Variants in SYNCRIP observed in about 807,000 individuals in gnomAD.
The protein encoded by SYNCRIP is synaptotagmin binding cytoplasmic RNA interacting protein, also known as heterogeneous nuclear ribonucleoprotein Q.
SYNCRIP carries 9 observed loss-of-function variants against 68.9 expected under a neutral mutation model. The ratio of observed to expected loss-of-function variants is 0.13; its 90% CI spans 0.08 to 0.23. The LOEUF is 0.23. Ranked by LOEUF, SYNCRIP falls within the 10% of genes least tolerant of loss-of-function variation. The pLI is 1.00. For missense variants in SYNCRIP, 414 were observed against 770.6 expected (o/e 0.54, Z 5.48); for synonymous variants, 258 against 254.0 (o/e 1.02, Z -0.15).
Position 85,626,033 on chromosome 6 carries a change from C to A in SYNCRIP, c.667-1921G>T, listed in dbSNP as rs556715443. Among the ~76,000 whole-genome samples the A allele has an allele frequency of 4.6e-5, 7 of 152,332 alleles. 1 individual carries two copies. Among genetic ancestry groups the A allele is most frequent in the African/African-American group, 1.4e-4 (6 of 41,576 alleles). On this transcript the variant is annotated intron_variant, in intron 6 of 10. Transcript: ENST00000369622. ...CAAAGAATTATCTAGTCTAAAAGATCAGCAGTGCTGAGGTTAAAAACTCCT... is the reference window on the plus strand; with the variant it reads ...CAAAGAATTATCTAGTCTAAAAGATAAGCAGTGCTGAGGTTAAAAACTCCT...
Position 85,614,523 on chromosome 6 carries a change from T to G in SYNCRIP, c.*233A>C. On this transcript the variant is annotated 3_prime_UTR_variant, in exon 11 of 11. Transcript: ENST00000369622. ...TTCTCAAGCACAAATGCAAACTCATTAACTATTTCTTTCAGTATCTAAGAA... is the reference window on the plus strand; with the variant it reads ...TTCTCAAGCACAAATGCAAACTCATGAACTATTTCTTTCAGTATCTAAGAA... 2 of 1,231,080 alleles carry G rather than the reference T, an allele frequency of 1.6e-6. No homozygotes were observed. The highest frequency in any genetic ancestry group is 2.0e-6 in the Non-Finnish European group (2 of 986,412). 76.3% of individuals were successfully genotyped at this position (1,231,080 alleles called of 1,614,324 possible).
At chr6:85,638,699 G>A (rs986348498) in intron 4 of SYNCRIP, among the ~76,000 whole-genome samples, 2 of 152,078 alleles carry the variant, frequency 1.3e-5, no homozygotes, top group Non-Finnish European at 2.9e-5. Context: ...TCATAAACTT[G>A]CTCACATCTA....
intron 4 of SYNCRIP, among the ~76,000 whole-genome samples, chr6:85,638,777 G>A (rs1808781469): frequency 6.6e-6 from 1 of 151,996 alleles, no homozygotes; most frequent in Non-Finnish European, 1.5e-5. Flanking sequence ...TGCTATAAAC[G>A]GATTTTTTAA....
upstream of SYNCRIP, chr6:85,642,994 A>AC (rs557109737): frequency 0.038 from 4,063 of 106,636 alleles, 75 homozygotes; most frequent in Non-Finnish European, 0.044. Context: ...CCCCCGCGTG[A>AC]CCCCCCCTTC....
intron 6 of SYNCRIP, among the ~76,000 whole-genome samples, chr6:85,634,170 A>AC (rs776983539): frequency 2.0e-5 from 3 of 152,230 alleles, no homozygotes; most frequent in Non-Finnish European, 4.4e-5. Flanking sequence ...ATGCAATTTT[A>AC]TAATTTAACG....
chr6:85,634,846 G>A (rs1249291591), intron 6 of SYNCRIP, among the ~76,000 whole-genome samples: 4 of 152,134 alleles, frequency 2.6e-5, no homozygotes, highest in Admixed American at 6.6e-5. Context: ...TTGGGAAGCC[G>A]AGGTAGGAGG....
Position 85,614,646 on chromosome 6 carries a change from A to G in SYNCRIP, c.*110T>C, listed in dbSNP as rs1216383099. The G allele has an allele frequency of 2.3e-5, 32 of 1,420,144 alleles. No homozygotes were observed. The highest frequency in any genetic ancestry group is 2.9e-5 in the African/African-American group (2 of 68,838). 88.0% of individuals were successfully genotyped at this position (1,420,144 alleles called of 1,614,324 possible). On this transcript the variant is annotated 3_prime_UTR_variant, in exon 11 of 11. Transcript: ENST00000369622. Reference sequence around the variant, plus strand: ...CCAAGCGGATTGTTAAAATATATACATAAAGGGAAATCTTGCCAGATGTCA... The same window carrying G: ...CCAAGCGGATTGTTAAAATATATACGTAAAGGGAAATCTTGCCAGATGTCA...
intron 8 of SYNCRIP, 83 bp from the exon 9 acceptor site, chr6:85,619,500 C>T: frequency 8.0e-7 from 1 of 1,257,478 alleles, no homozygotes; most frequent in Non-Finnish European, 1.1e-6. Flanking sequence ...ACAAAGTTAA[C>T]TCAAATCACA....
chr6:85,634,785 T>C (rs1808258692), intron 6 of SYNCRIP, among the ~76,000 whole-genome samples: 1 of 152,158 alleles, frequency 6.6e-6, no homozygotes, highest in Non-Finnish European at 1.5e-5. Flanking sequence ...TTATAGGAGA[T>C]TAAAGGATTT....
intron 8 of SYNCRIP, among the ~76,000 whole-genome samples, chr6:85,621,819 T>A (rs536389177): frequency 1.7e-4 from 25 of 150,536 alleles, no homozygotes; most frequent in Admixed American, 1.4e-3. Flanking sequence ...AGTAAGACTT[T>A]TAACCCCAAA....
chr6:85,611,091 C>CTA (rs1805201029), downstream of SYNCRIP: 1 of 151,924 alleles, frequency 6.6e-6, no homozygotes, highest in African/African-American at 2.4e-5. Context: ...AACTGACATA[C>CTA]AACATACTAA....
chr6:85,636,848 A>C (rs1215348013), intron 6 of SYNCRIP, 119 bp downstream of exon 6: 1 of 969,190 alleles, frequency 1.0e-6, no homozygotes, highest in African/African-American at 1.7e-5. Context: ...GGGAAAAAAA[A>C]AACCTGCCTA....
chr6:85,614,391 G>A lies in SYNCRIP; in HGVS notation c.*365C>T, dbSNP rs1198020097. 1 of 999,816 alleles carries A rather than the reference G, an allele frequency of 1.0e-6. No individual in the cohort carries two copies. The highest frequency in any genetic ancestry group is 1.2e-6 in the Non-Finnish European group (1 of 839,862). 61.9% of individuals were successfully genotyped at this position (999,816 alleles called of 1,614,324 possible). A position where few individuals can be genotyped will look rare whatever the true frequency, so the allele number is the denominator to read the frequency against. On this transcript the variant is annotated 3_prime_UTR_variant, in exon 11 of 11. Coordinates refer to ENST00000369622, the MANE Select transcript of SYNCRIP (RefSeq NM_006372.5). ...AACATACAAAGTTATTCTGATACAA[G>A]ATATTAAAGACACACTTGGTTTTAA...
chr6:85,623,053 T>C (rs1806601299), intron 7 of SYNCRIP, among the ~76,000 whole-genome samples: 1 of 152,220 alleles, frequency 6.6e-6, no homozygotes. Context: ...AAAATTATTT[T>C]TAATGGCACT....
chr6:85,634,841 A>C (rs1395405088), intron 6 of SYNCRIP, among the ~76,000 whole-genome samples: 1 of 152,146 alleles, frequency 6.6e-6, no homozygotes, highest in Non-Finnish European at 1.5e-5. Context: ...GCACTTTGGG[A>C]AGCCGAGGTA....
intron 1 of SYNCRIP, 57 bp from the exon 2 acceptor site, chr6:85,641,508 A>G (rs1809144304): frequency 2.6e-6 from 4 of 1,519,866 alleles, no homozygotes; most frequent in Middle Eastern, 1.9e-4. Context: ...ATACAAGACA[A>G]TATGAGAGCC....
intron 4 of SYNCRIP, among the ~76,000 whole-genome samples, chr6:85,639,165 G>A (rs1403995960): frequency 3.3e-5 from 5 of 152,092 alleles, no homozygotes; most frequent in East Asian, 3.9e-4. Flanking sequence ...CCAAGATCAC[G>A]CCACTGCACT....
intron 7 of SYNCRIP, among the ~76,000 whole-genome samples, chr6:85,623,562 C>CCAAAAAAAAACAAAA (rs572909849): frequency 1.6e-5 from 1 of 63,240 alleles, no homozygotes; most frequent in Non-Finnish European, 2.8e-5. Flanking sequence ...AGACTGTCTC[C>CCAAAAAAAAACAAAA]AAAAAAAAAA....
chr6:85,639,108 T>A (rs1562113759), intron 4 of SYNCRIP, among the ~76,000 whole-genome samples: 1 of 152,136 alleles, frequency 6.6e-6, no homozygotes, highest in South Asian at 2.1e-4. Flanking sequence ...CTCGGGAGGC[T>A]GAGGCAGGAG....
Sources: gnomAD v4.1 joint callset for allele counts (sites outside exome capture counted in the v4.1 genomes callset) on GRCh38, gnomAD v4.1.1 for gene constraint, MANE v1.5 for transcripts, NCBI Gene and HGNC (gene_info 2026-07-23, HGNC 2026-07-21) for gene names.